The following GPC5 variants were observed in gnomAD, a reference collection of about 807,000 sequenced individuals.
GPC5 encodes glypican 5, also known as glypican-5.
Under a neutral mutation model 53.9 loss-of-function variants are expected in GPC5, and 47 were observed. The observed-to-expected ratio is 0.87, with a 90% confidence interval of 0.69 to 1.11. The LOEUF is 1.11. GPC5 is among the 50% of genes most tolerant of loss of function. The pLI, the probability that GPC5 is intolerant of heterozygous loss-of-function variation, is 0.00. For missense variants in GPC5, 748 were observed against 713.1 expected, an observed-to-expected ratio of 1.05 and a Z score of -0.56; for synonymous variants, 286 against 263.3, an observed-to-expected ratio of 1.09 and a Z score of -0.84.
At chr13:92,859,234 G>A (rs904248933) in intron 7 of GPC5, among the ~76,000 whole-genome samples, 8 of 152,232 alleles carry the variant, frequency 5.3e-5, no homozygotes, top group African/African-American at 1.9e-4. Flanking sequence ...GGGCAACATA[G>A]AAAGACCCTA....
chr13:91,577,930 A>G (rs999435208), intron 2 of GPC5, among the ~76,000 whole-genome samples: 3 of 152,232 alleles, frequency 2.0e-5, no homozygotes, highest in South Asian at 2.1e-4. Context: ...AGCTGGACTT[A>G]GTAACTTGCT....
intron 6 of GPC5, among the ~76,000 whole-genome samples, chr13:92,107,462 C>A (rs1229248821): frequency 1.3e-5 from 2 of 151,988 alleles, no homozygotes; most frequent in Admixed American, 6.6e-5. Context: ...TTCTTAATAA[C>A]CCTGCAGACT....
At chr13:92,371,697 A>G (rs1445293967) in intron 7 of GPC5, among the ~76,000 whole-genome samples, 1 of 152,330 alleles carries the variant, frequency 6.6e-6, no homozygotes, top group African/African-American at 2.4e-5. Context: ...TAAAACCTTC[A>G]GATCTGGTGA....
At chr13:92,105,369 A>G (rs2041501561) in intron 6 of GPC5, among the ~76,000 whole-genome samples, 1 of 152,134 alleles carries the variant, frequency 6.6e-6, no homozygotes, top group African/African-American at 2.4e-5. Flanking sequence ...AAGCAAAATA[A>G]TAGAGCACTG....
chr13:91,836,640 T>G (rs2038725618), intron 5 of GPC5, among the ~76,000 whole-genome samples: 1 of 151,996 alleles, frequency 6.6e-6, no homozygotes, highest in Non-Finnish European at 1.5e-5. Context: ...TTAATGCACT[T>G]TTAAATATCA....
chr13:92,118,983 T>C (rs1203114614), intron 6 of GPC5, among the ~76,000 whole-genome samples: 1 of 152,220 alleles, frequency 6.6e-6, no homozygotes. Context: ...AGAAACTCCT[T>C]CTTTTTGCCT....
chr13:92,414,372 G>A (rs1876186313), intron 7 of GPC5, among the ~76,000 whole-genome samples: 1 of 152,036 alleles, frequency 6.6e-6, no homozygotes, highest in Non-Finnish European at 1.5e-5. Flanking sequence ...GGGCGTGGTA[G>A]TGCATGCCTG....
intron 7 of GPC5, among the ~76,000 whole-genome samples, chr13:92,689,299 T>G (rs1887326697): frequency 2.7e-5 from 1 of 36,464 alleles, no homozygotes; most frequent in Non-Finnish European, 8.2e-5. Flanking sequence ...CTTGTTGAAT[T>G]GATCCCTTTA....
chr13:92,546,735 G>C (rs981232895), intron 7 of GPC5, among the ~76,000 whole-genome samples: 1 of 152,132 alleles, frequency 6.6e-6, no homozygotes, highest in Non-Finnish European at 1.5e-5. Flanking sequence ...AAAGAACAAA[G>C]CTGGAGGCAT....
chr13:91,795,623 C>T (rs1172586789), intron 5 of GPC5, among the ~76,000 whole-genome samples: 3 of 152,146 alleles, frequency 2.0e-5, no homozygotes, highest in Non-Finnish European at 4.4e-5. Flanking sequence ...CATTTGCTTT[C>T]AATAAGATGC....
chr13:92,840,820 C>T (rs1878408172), intron 7 of GPC5, among the ~76,000 whole-genome samples: 1 of 152,006 alleles, frequency 6.6e-6, no homozygotes, highest in Non-Finnish European at 1.5e-5. Flanking sequence ...TCTTTTGCCA[C>T]CTTATTTAGG....
At chr13:91,884,953 C>G (rs1027095738) in intron 5 of GPC5, among the ~76,000 whole-genome samples, 2 of 151,948 alleles carry the variant, frequency 1.3e-5, no homozygotes, top group Non-Finnish European at 2.9e-5. Context: ...TTTTATAACC[C>G]AGGACATGAT....
chr13:92,495,065 GGTTA>G (rs2138920269), intron 7 of GPC5, among the ~76,000 whole-genome samples: 1 of 152,280 alleles, frequency 6.6e-6, no homozygotes, highest in South Asian at 2.1e-4. Context: ...AAAATTTCTT[GGTTA>G]TTGTGTGAAG....
rs533147637 is a variant in GPC5, at chr13:91,585,225, A to G, written c.326-107962A>G. On this transcript the variant is annotated intron_variant, in intron 2 of 7. Coordinates refer to ENST00000377067, the MANE Select transcript of GPC5 (RefSeq NM_004466.6). The stretch of plus-strand genomic sequence containing the variant: ...GGTAGTAACATAGATTAGCACCATC[A>G]TTTTGGAGACAGTTCACTAATTTTG... Among the ~76,000 whole-genome samples, 5 of 152,340 alleles carry G rather than the reference A, an allele frequency of 3.3e-5. No individual in the cohort carries two copies. In the East Asian group the frequency reaches 9.6e-4, roughly 29 times the overall value.
intron 7 of GPC5, among the ~76,000 whole-genome samples, chr13:92,499,948 A>G (rs984024942): frequency 6.6e-6 from 1 of 152,222 alleles, no homozygotes; most frequent in African/African-American, 2.4e-5. Flanking sequence ...AAACCTGAAC[A>G]GAATGCATAG....
chr13:91,834,817 A>G (rs901250242), intron 5 of GPC5, among the ~76,000 whole-genome samples: 7 of 152,228 alleles, frequency 4.6e-5, no homozygotes, highest in African/African-American at 1.7e-4. Context: ...AGGCAATACT[A>G]TTCAGGAAAT....
intron 6 of GPC5, among the ~76,000 whole-genome samples, chr13:92,125,275 C>A (rs2041685558): frequency 6.6e-6 from 1 of 152,048 alleles, no homozygotes; most frequent in African/African-American, 2.4e-5. Flanking sequence ...AGTCAGAGGC[C>A]ACAGCTAATC....
intron 2 of GPC5, among the ~76,000 whole-genome samples, chr13:91,462,418 T>G (rs983934004): frequency 2.0e-5 from 3 of 152,106 alleles, no homozygotes; most frequent in Non-Finnish European, 2.9e-5. Context: ...CAGAATAATG[T>G]GAGAGGTTTT....
intron 7 of GPC5, among the ~76,000 whole-genome samples, chr13:92,830,578 A>T (rs1296219311): frequency 6.6e-6 from 1 of 152,146 alleles, no homozygotes. Flanking sequence ...AGCCAAGTCT[A>T]TATTTAAATG....
Sources: gnomAD v4.1 joint callset for allele counts (sites outside exome capture counted in the v4.1 genomes callset) on GRCh38, gnomAD v4.1.1 for gene constraint, MANE v1.5 for transcripts, NCBI Gene and HGNC (gene_info 2026-07-23, HGNC 2026-07-21) for gene names.